KANK4: variants seen among roughly 807,000 people sequenced by gnomAD.
KANK4 encodes the protein KN motif and ankyrin repeat domain-containing protein 4.
Under a neutral mutation model 80.8 loss-of-function variants are expected in KANK4, and 50 were observed. The observed-to-expected ratio is 0.62, with a 90% confidence interval of 0.49 to 0.78. KANK4 has a LOEUF of 0.78. Ranked by LOEUF, KANK4 falls within the 30% of genes least tolerant of loss-of-function variation. The pLI, the probability that KANK4 is intolerant of heterozygous loss-of-function variation, is 0.00. For synonymous variants in KANK4, 465 were observed against 506.9 expected (o/e 0.92, Z 1.11); for missense variants, 1,196 against 1,240.1 (o/e 0.96, Z 0.53).
At chr1:62,255,972 A>G (rs1011214959) in intron 7 of KANK4, among the ~76,000 whole-genome samples, 1 of 152,208 alleles carries the variant, frequency 6.6e-6, no homozygotes, top group Non-Finnish European at 1.5e-5. Flanking sequence ...AGCACTTAGA[A>G]CAAGCTTGTC....
At chr1:62,246,250 TAAG>T (rs1414708086) in intron 9 of KANK4, among the ~76,000 whole-genome samples, 1 of 152,198 alleles carries the variant, frequency 6.6e-6, no homozygotes, top group Non-Finnish European at 1.5e-5. Context: ...GAAGTTTATT[TAAG>T]AAGCCTGTGA....
chr1:62,293,099 TGTGTGTG>T (rs1672719426), intron 1 of KANK4, among the ~76,000 whole-genome samples: 1 of 123,214 alleles, frequency 8.1e-6, no homozygotes. Context: ...TGTGTGTGTG[TGTGTGTG>T]AGACAGAGTG....
intron 1 of KANK4, among the ~76,000 whole-genome samples, chr1:62,305,980 A>ACT (rs58731873): frequency 0.06 from 8,917 of 149,564 alleles, 761 homozygotes; most frequent in African/African-American, 0.19. Flanking sequence ...CCCATTACAG[A>ACT]CTCTCTCTCT....
chr1:62,297,592 AAAGG>A (rs1391170640), intron 1 of KANK4, among the ~76,000 whole-genome samples: 1 of 152,228 alleles, frequency 6.6e-6, no homozygotes, highest in Non-Finnish European at 1.5e-5. Flanking sequence ...AGGATTTAGC[AAAGG>A]AACGAATCTA....
At chr1:62,300,808 C>A (rs947125098) in intron 1 of KANK4, among the ~76,000 whole-genome samples, 1 of 152,062 alleles carries the variant, frequency 6.6e-6, no homozygotes, top group Non-Finnish European at 1.5e-5. Flanking sequence ...TATTAGTAGA[C>A]ATTCAATAAA....
chr1:62,312,513 T>C (rs918982397), intron 1 of KANK4, among the ~76,000 whole-genome samples: 3 of 152,232 alleles, frequency 2.0e-5, no homozygotes, highest in African/African-American at 7.2e-5. Context: ...GTATTTCTAC[T>C]GGGCACATTT....
rs1414165275 is a variant in KANK4 at position 62,296,411 on chromosome 1, GC to G, written c.-70-14778del. ...CCAATATTGGCTCCATTTGTCCATG[GC>G]TTTTTCATCACTGAATGACCTCAAT... On this transcript the variant is annotated intron_variant, in intron 1 of 9. Transcript: ENST00000371153. Among the ~76,000 whole-genome samples, 4 of 152,236 alleles carry G rather than the reference GC, an allele frequency of 2.6e-5. No homozygotes were observed. The East Asian group carries it at 7.7e-4, about 29-fold the overall frequency.
At chr1:62,315,514 T>G (rs1644531668) in intron 1 of KANK4, among the ~76,000 whole-genome samples, 2 of 152,178 alleles carry the variant, frequency 1.3e-5, no homozygotes, top group African/African-American at 4.8e-5. Context: ...TGTTCCTGTT[T>G]CACACACAAT....
At chr1:62,265,521 C>T (rs114922063) in intron 6 of KANK4, among the ~76,000 whole-genome samples, 4,893 of 152,270 alleles carry the variant, frequency 0.032, 106 homozygotes, top group Non-Finnish European at 0.045. Flanking sequence ...GGATTACAGG[C>T]GTGAGACACT....
At position 62,268,638 on chromosome 1, in the gene KANK4, C is replaced by T. The variant is rs941094781; in HGVS notation, c.2013-133G>A. The T allele has an allele frequency of 1.3e-5, 9 of 704,098 alleles. No homozygotes were observed. The East Asian group carries it at 1.6e-4, about 13-fold the overall frequency. 43.6% of individuals were successfully genotyped at this position (704,098 alleles called of 1,614,324 possible). ...CTCCTCCCCCACTCTCTACACCTGC[C>T]GGCAGGGTGACAGGCTCCCAGGAAT... On this transcript the variant is annotated intron_variant, in intron 4 of 9. Transcript: ENST00000371153.
intron 5 of KANK4, among the ~76,000 whole-genome samples, chr1:62,267,756 C>T (rs186187278): frequency 1.3e-5 from 2 of 149,426 alleles, no homozygotes; most frequent in East Asian, 2.0e-4. Context: ...GAGCCGAGAT[C>T]GTGCCACTTC....
At chr1:62,284,671 C>T (rs1036722208) in intron 1 of KANK4, among the ~76,000 whole-genome samples, 2 of 152,182 alleles carry the variant, frequency 1.3e-5, no homozygotes, top group Admixed American at 6.6e-5. Context: ...TGTTCAGAAC[C>T]TTTAAATACC....
At chr1:62,264,664 T>G (rs1671977203) in intron 6 of KANK4, among the ~76,000 whole-genome samples, 1 of 152,180 alleles carries the variant, frequency 6.6e-6, no homozygotes, top group Non-Finnish European at 1.5e-5. Flanking sequence ...TTGCATATCC[T>G]CTGATCACTT....
intron 5 of KANK4, among the ~76,000 whole-genome samples, chr1:62,267,958 G>A (rs944140260): frequency 2.6e-5 from 4 of 152,186 alleles, no homozygotes; most frequent in African/African-American, 9.7e-5. Context: ...CACAACTGTA[G>A]AGTGGGGAGG....
At position 62,268,081 on chromosome 1, in the gene KANK4, C is replaced by T. The variant is rs74076438; in HGVS notation, c.2231+206G>A. ...AAATGTTGACTTTACAGGTAGATATCGGCTGTGACAGTACATTCCACGAAA... is the reference window on the plus strand; with the variant it reads ...AAATGTTGACTTTACAGGTAGATATTGGCTGTGACAGTACATTCCACGAAA... On this transcript the variant is annotated intron_variant, in intron 5 of 9. Transcript: ENST00000371153. 3.0e-3 allele frequency among the ~76,000 whole-genome samples: 450 copies of T among 152,254 alleles called. 4 individuals are homozygous for T. The highest frequency in any genetic ancestry group is 0.011 in the African/African-American group (438 of 41,546).
In KANK4 at chr1:62,274,872, T is replaced by C; in HGVS notation, c.232A>G (p.Ser78Gly). The part of the protein sequence containing the change: ...TLPRNFSLPD[S>G]GARPPAAPPL... ...GGGGCTGCAGGGGGGCGAGCCCCACTGTCAGGAAGGCTGAAGTTTCGGGGC... is the reference window on the plus strand; with the variant it reads ...GGGGCTGCAGGGGGGCGAGCCCCACCGTCAGGAAGGCTGAAGTTTCGGGGC... Residue 78 changes from serine to glycine, a missense_variant, in exon 3 of 10, where the codon AGT becomes GGT. Transcript: ENST00000371153. 1.2e-6 allele frequency: 2 copies of C among 1,614,120 alleles called. No individual in the cohort carries two copies. The highest frequency in any genetic ancestry group is 1.3e-5 in the African/African-American group (1 of 75,052).
chr1:62,252,775 T>G (rs1671653738), intron 8 of KANK4, among the ~76,000 whole-genome samples: 1 of 152,272 alleles, frequency 6.6e-6, no homozygotes, highest in Non-Finnish European at 1.5e-5. Context: ...AGATGGCAAC[T>G]GGGAATGTTG....
At chr1:62,251,114 G>C (rs2149122289) in intron 8 of KANK4, among the ~76,000 whole-genome samples, 1 of 152,132 alleles carries the variant, frequency 6.6e-6, no homozygotes, top group African/African-American at 2.4e-5. Context: ...TGGAGAAAAG[G>C]GCAGGCAGGC....
At chr1:62,252,174 A>G (rs562914882) in intron 8 of KANK4, among the ~76,000 whole-genome samples, 1 of 152,266 alleles carries the variant, frequency 6.6e-6, no homozygotes, top group South Asian at 2.1e-4. Flanking sequence ...CAAAATAATA[A>G]GGGGTAGACC....
Sources: allele counts gnomAD v4.1 joint callset (sites outside exome capture counted in the v4.1 genomes callset), GRCh38; gene constraint gnomAD v4.1.1; transcripts MANE v1.5; gene names NCBI Gene and HGNC (gene_info 2026-07-23, HGNC 2026-07-21).